The following PLA2G4A variants were observed in gnomAD, a reference collection of about 807,000 sequenced individuals.
PLA2G4A encodes cytosolic phospholipase A2.
Under a neutral mutation model 81.9 loss-of-function variants are expected in PLA2G4A, and 40 were observed. The ratio of observed to expected loss-of-function variants is 0.49; its 90% CI spans 0.38 to 0.64. PLA2G4A has a LOEUF of 0.64. Among genes scored for constraint, PLA2G4A ranks in the 30% least tolerant of loss-of-function variants. PLA2G4A has a pLI of 0.00. For missense variants in PLA2G4A, 715 were observed against 905.1 expected, an observed-to-expected ratio of 0.79 and a Z score of 2.69; for synonymous variants, 302 against 296.9, an observed-to-expected ratio of 1.02 and a Z score of -0.18.
At chr1:186,937,107 T>C (rs1180029730) in intron 8 of PLA2G4A, among the ~76,000 whole-genome samples, 1 of 151,740 alleles carries the variant, frequency 6.6e-6, no homozygotes, top group African/African-American at 2.4e-5. Context: ...ATTATCCAAC[T>C]CTCCTTGTGA....
At chr1:186,954,478 T>A (rs1656672897) in intron 13 of PLA2G4A, among the ~76,000 whole-genome samples, 1 of 152,040 alleles carries the variant, frequency 6.6e-6, no homozygotes, top group Non-Finnish European at 1.5e-5. Flanking sequence ...TTAGGAGAAA[T>A]ACCTAATATA....
chr1:186,836,894 G>A (rs978647868), intron 1 of PLA2G4A, among the ~76,000 whole-genome samples: 13 of 152,118 alleles, frequency 8.5e-5, no homozygotes. Context: ...ATGCAAAGGC[G>A]GAGAATGGGA....
At chr1:186,846,813 C>A (rs1196168761) in intron 1 of PLA2G4A, among the ~76,000 whole-genome samples, 1 of 151,590 alleles carries the variant, frequency 6.6e-6, no homozygotes, top group Non-Finnish European at 1.5e-5. Context: ...CATTTTAATT[C>A]CTTCATTGAT....
chr1:186,946,519 A>C, intron 10 of PLA2G4A, 118 bp from the exon 11 acceptor site: 1 of 807,074 alleles, frequency 1.2e-6, no homozygotes, highest in East Asian at 2.6e-5. Context: ...TTTCATTTTG[A>C]TATTTTAAAT....
intron 1 of PLA2G4A, among the ~76,000 whole-genome samples, chr1:186,838,563 G>T (rs1459023746): frequency 1.3e-5 from 2 of 152,120 alleles, no homozygotes; most frequent in African/African-American, 4.8e-5. Flanking sequence ...CTAGCCAGTT[G>T]CTAGGCCTCT....
At chr1:186,949,858 C>G (rs980115975) in intron 12 of PLA2G4A, among the ~76,000 whole-genome samples, 1 of 11,650 alleles carries the variant, frequency 8.6e-5, no homozygotes, top group Non-Finnish European at 1.3e-4. Flanking sequence ...TTCATTTCTA[C>G]CAAAAAAAAA....
At chr1:186,951,866 G>T (rs760322368) in intron 13 of PLA2G4A, among the ~76,000 whole-genome samples, 4 of 152,012 alleles carry the variant, frequency 2.6e-5, no homozygotes, top group Non-Finnish European at 5.9e-5. Flanking sequence ...TTGGCTAGAT[G>T]AGTGCAAGTT....
At chr1:186,886,855 G>A (rs537361937) in intron 3 of PLA2G4A, among the ~76,000 whole-genome samples, 3 of 152,214 alleles carry the variant, frequency 2.0e-5, no homozygotes, top group Admixed American at 6.5e-5. Flanking sequence ...ATGTCAAAAT[G>A]TTTGTAATTT....
At chr1:186,978,833 G>A (rs1657620837) in intron 16 of PLA2G4A, among the ~76,000 whole-genome samples, 1 of 152,190 alleles carries the variant, frequency 6.6e-6, no homozygotes, top group Non-Finnish European at 1.5e-5. Flanking sequence ...AAGTGGTAAA[G>A]GGAAGGAAGG....
chr1:186,859,273 CAG>C (rs1474377032), intron 2 of PLA2G4A, among the ~76,000 whole-genome samples: 2 of 152,094 alleles, frequency 1.3e-5, no homozygotes, highest in African/African-American at 4.8e-5. Flanking sequence ...GGTAGGAAAA[CAG>C]AGTGACAAAT....
chr1:186,946,764 T>G lies in PLA2G4A; in HGVS notation c.1161T>G (p.His387Gln). 1 of 1,611,524 alleles carries G rather than the reference T, an allele frequency of 6.2e-7. No homozygotes were observed. Among genetic ancestry groups the G allele is most frequent in the Admixed American group, 1.7e-5 (1 of 59,888 alleles). The change falls in exon 11 of 18, where the codon CAT becomes CAG. Residue 387 changes from histidine to glutamine, a missense_variant. By Grantham distance (24) the His-to-Gln change is conservative. Transcript: ENST00000367466. ...VVKKYEENPL[H>Q]FLMGVWGSAF... ...AGAAGTATGAAGAAAACCCCTTGCA[T>G]TTCTTAATGGGTAAGTGATCAAAAT...
At chr1:186,899,550 G>A (rs1327056897) in intron 5 of PLA2G4A, among the ~76,000 whole-genome samples, 1 of 152,192 alleles carries the variant, frequency 6.6e-6, no homozygotes, top group East Asian at 1.9e-4. Context: ...GCCTAGACAA[G>A]TTTGATGGGA....
At chr1:186,976,166 C>G (rs1657521828) in intron 15 of PLA2G4A, among the ~76,000 whole-genome samples, 1 of 152,148 alleles carries the variant, frequency 6.6e-6, no homozygotes. Flanking sequence ...ACAACAAAAA[C>G]CATGAATGTT....
At chr1:186,950,255 G>A (rs999571071) in intron 12 of PLA2G4A, among the ~76,000 whole-genome samples, 2 of 151,938 alleles carry the variant, frequency 1.3e-5, no homozygotes, top group African/African-American at 4.8e-5. Context: ...AAAACTGTTT[G>A]GTAGCTCACC....
Position 186,950,639 on chromosome 1 carries a change from T to C in PLA2G4A, c.1265-18T>C, listed in dbSNP as rs1004905246. ...TTGACACCTGAAATGCTTCAATTTT[T>C]TTGTTTTCTTTTCACAGAAAATATT... On this transcript the variant is annotated intron_variant, in intron 12 of 17. Coordinates refer to ENST00000367466, the MANE Select transcript of PLA2G4A (RefSeq NM_024420.3). The C allele has an allele frequency of 2.8e-6, 4 of 1,438,494 alleles. No individual in the cohort carries two copies. Among genetic ancestry groups the C allele is most frequent in the African/African-American group, 1.4e-5 (1 of 71,558 alleles). 89.1% of individuals were successfully genotyped at this position (1,438,494 alleles called of 1,614,324 possible).
In PLA2G4A at chr1:186,941,707, C is replaced by A. The variant is rs73049073; in HGVS notation, c.1033+1613C>A. Reference sequence around the variant, plus strand: ...ATATAGATTGCAGCAGTCTGCCGGGCGCTAAGGATGAATTCCTCTTTCCTC... The same window carrying A: ...ATATAGATTGCAGCAGTCTGCCGGGAGCTAAGGATGAATTCCTCTTTCCTC... On this transcript the variant is annotated intron_variant, in intron 10 of 17. Transcript: ENST00000367466. 5.4e-3 allele frequency among the ~76,000 whole-genome samples: 826 copies of A among 152,202 alleles called. 6 individuals carry two copies. Among genetic ancestry groups the A allele is most frequent in the African/African-American group, 0.019 (794 of 41,530 alleles).
chr1:186,952,855 C>G (rs1656613160), intron 13 of PLA2G4A, among the ~76,000 whole-genome samples: 1 of 151,980 alleles, frequency 6.6e-6, no homozygotes, highest in Non-Finnish European at 1.5e-5. Flanking sequence ...TTTAAAGTTC[C>G]TCTATGTTTT....
chr1:186,831,137 T>C (rs539494028), intron 1 of PLA2G4A, among the ~76,000 whole-genome samples: 2 of 152,064 alleles, frequency 1.3e-5, no homozygotes, highest in African/African-American at 2.4e-5. Context: ...TAATGCACAT[T>C]ATGCCATTCC....
At chr1:186,943,833 A>T (rs142930871) in intron 10 of PLA2G4A, among the ~76,000 whole-genome samples, 1,647 of 152,298 alleles carry the variant, frequency 0.011, 29 homozygotes, top group African/African-American at 0.038. Flanking sequence ...TTCCAGACAG[A>T]AATATTTTTA....
Sources: allele counts gnomAD v4.1 joint callset (sites outside exome capture counted in the v4.1 genomes callset), GRCh38; gene constraint gnomAD v4.1.1; transcripts MANE v1.5; gene names NCBI Gene and HGNC (gene_info 2026-07-23, HGNC 2026-07-21).